The following EPS8 variants were observed in gnomAD, a reference collection of about 807,000 sequenced individuals.
EPS8 encodes EGFR pathway substrate 8, signaling adaptor.
Under a neutral mutation model 103.8 loss-of-function variants are expected in EPS8, and 42 were observed. The observed-to-expected ratio is 0.40, with a 90% CI of 0.32 to 0.52. The LOEUF (loss-of-function observed/expected upper bound fraction) is 0.52, where lower values mean the gene tolerates loss of function less well. Among genes scored for constraint, EPS8 ranks in the 20% least tolerant of loss-of-function variants. The pLI is 0.40. For synonymous variants in EPS8, 344 were observed against 344.6 expected, an observed-to-expected ratio of 1.00 and a Z score of 0.02; for missense variants, 969 against 1,005.1, an observed-to-expected ratio of 0.96 and a Z score of 0.49.
chr12:15,678,275 A>G (rs980005533), intron 3 of EPS8, among the ~76,000 whole-genome samples: 2 of 152,056 alleles, frequency 1.3e-5, no homozygotes, highest in African/African-American at 2.4e-5. Context: ...TTCCATAGGC[A>G]TTTTCTGAGA....
At chr12:15,645,690 T>C (rs1002903050) in intron 15 of EPS8, among the ~76,000 whole-genome samples, 2 of 152,254 alleles carry the variant, frequency 1.3e-5, no homozygotes, top group East Asian at 3.9e-4. Context: ...CCCTTATAGA[T>C]ATGCAGGTGA....
intron 13 of EPS8, among the ~76,000 whole-genome samples, chr12:15,651,908 A>G (rs1945421809): frequency 6.6e-6 from 1 of 152,154 alleles, no homozygotes; most frequent in East Asian, 1.9e-4. Context: ...AACAGCTAAC[A>G]ATATATTTCG....
intron 2 of EPS8, 38 bp downstream of exon 2, chr12:15,682,855 T>C (rs2135890065): frequency 1.9e-6 from 2 of 1,080,234 alleles, no homozygotes; most frequent in Non-Finnish European, 1.4e-6. Flanking sequence ...CAAATCAAAT[T>C]CCCCCAAAAC....
At chr12:15,621,561 A>G (rs1944863108) in intron 20 of EPS8, 131 bp from the exon 21 acceptor site, 2 of 581,444 alleles carry the variant, frequency 3.4e-6, no homozygotes. Flanking sequence ...TAACAGCTCT[A>G]CTTTTTAAGT....
At chr12:15,740,007 A>G (rs1207055544) in intron 1 of EPS8, among the ~76,000 whole-genome samples, 1 of 152,142 alleles carries the variant, frequency 6.6e-6, no homozygotes, top group Non-Finnish European at 1.5e-5. Flanking sequence ...GGACTCAGGA[A>G]TACAGAGAAT....
chr12:15,715,769 G>A (rs1049589168), intron 1 of EPS8, among the ~76,000 whole-genome samples: 5 of 151,970 alleles, frequency 3.3e-5, no homozygotes, highest in East Asian at 1.9e-4. Context: ...GATTACAGGC[G>A]TGAGCCACCA....
In EPS8 at chr12:15,716,858, T is replaced by C. The variant is rs1175984640; in HGVS notation, c.-21-33886A>G. 6.6e-6 allele frequency among the ~76,000 whole-genome samples: 1 copy of C among 152,234 alleles called. No homozygotes were observed. Among genetic ancestry groups the C allele is most frequent in the Non-Finnish European group, 1.5e-5 (1 of 68,038 alleles). On this transcript the variant is annotated intron_variant, in intron 1 of 20. Coordinates refer to ENST00000281172, the MANE Select transcript of EPS8 (RefSeq NM_004447.6). The surrounding 1 kb of genome is among the most constrained non-coding windows in gnomAD (Gnocchi z 5.0). ...TAAGCAAAATTTCACTTTCAGTTCC[T>C]GTACTGTTCAACCCCAATTCCTCAT...
In EPS8 at chr12:15,767,877, C is replaced by T. The variant is rs1287647244; in HGVS notation, c.-22+21284G>A. 6.6e-6 allele frequency among the ~76,000 whole-genome samples: 1 copy of T among 151,978 alleles called. No individual in the cohort carries two copies. Among genetic ancestry groups the T allele is most frequent in the Non-Finnish European group, 1.5e-5 (1 of 68,008 alleles). The stretch of plus-strand genomic sequence containing the variant: ...AAATATATTACAAAGTTGTCTTTCC[C>T]CAGAGAATAAAATAGATATTTTTGG... On this transcript the variant is annotated intron_variant, in intron 1 of 20. Transcript: ENST00000281172. This position sits in a 1 kb window ranked among gnomAD's most constrained non-coding sequence, Gnocchi z 5.5.
intron 1 of EPS8, among the ~76,000 whole-genome samples, chr12:15,744,868 T>C (rs931990782): frequency 2.0e-5 from 3 of 152,114 alleles, no homozygotes; most frequent in African/African-American, 7.2e-5. Context: ...ATTATTACTA[T>C]TTTTTTATTA....
Position 15,737,729 on chromosome 12 carries a change from A to C in EPS8, c.-22+51432T>G, listed in dbSNP as rs573646437. On this transcript the variant is annotated intron_variant, in intron 1 of 20. Transcript: ENST00000281172. Reference sequence around the variant, plus strand: ...TTATATACCCAAATATTAAAAACTTAATGATGCTACTGTGTTGTAGAAAAT... The same window carrying C: ...TTATATACCCAAATATTAAAAACTTCATGATGCTACTGTGTTGTAGAAAAT... 3.9e-5 allele frequency among the ~76,000 whole-genome samples: 6 copies of C among 152,312 alleles called. No individual in the cohort carries two copies. The South Asian group carries it at 1.2e-3, about 32-fold the overall frequency.
intron 15 of EPS8, among the ~76,000 whole-genome samples, chr12:15,642,209 T>G (rs953694267): frequency 1.6e-4 from 24 of 152,198 alleles, no homozygotes; most frequent in Middle Eastern, 6.8e-3. Context: ...TAAAGGAGAC[T>G]GAAGATAATT....
chr12:15,662,282 G>A (rs1945619442), intron 8 of EPS8, 183 bp from the exon 9 acceptor site: 1 of 1,410,828 alleles, frequency 7.1e-7, no homozygotes, highest in Admixed American at 2.9e-5. Flanking sequence ...ACTAACAGGA[G>A]CAGTTGAGCA....
intron 8 of EPS8, among the ~76,000 whole-genome samples, chr12:15,664,208 C>A (rs868766449): frequency 1.3e-5 from 2 of 151,254 alleles, no homozygotes; most frequent in Non-Finnish European, 2.9e-5. Flanking sequence ...AAATACAAAG[C>A]AGATCAATAC....
intron 3 of EPS8, among the ~76,000 whole-genome samples, chr12:15,678,775 G>A (rs1032893530): frequency 6.6e-5 from 10 of 151,858 alleles, no homozygotes; most frequent in Non-Finnish European, 1.2e-4. Flanking sequence ...TTAGCTGGGC[G>A]TGGTGGCATG....
intron 1 of EPS8, among the ~76,000 whole-genome samples, chr12:15,774,696 A>AAT (rs1201010097): frequency 3.5e-4 from 51 of 146,742 alleles, no homozygotes; most frequent in Admixed American, 8.9e-4. Context: ...TAAATATATA[A>AAT]ATATATATAT....
chr12:15,765,198 T>A (rs889296236), intron 1 of EPS8, among the ~76,000 whole-genome samples: 3 of 152,258 alleles, frequency 2.0e-5, no homozygotes, highest in Middle Eastern at 3.4e-3. Flanking sequence ...CTGAAAAAAG[T>A]ACCTAAATGA....
At position 15,734,248 on chromosome 12, in the gene EPS8, G is replaced by A. The variant is rs1449960833; in HGVS notation, c.-21-51276C>T. On this transcript the variant is annotated intron_variant, in intron 1 of 20. Transcript: ENST00000281172. The surrounding 1 kb of genome is among the most constrained non-coding windows in gnomAD (Gnocchi z 4.1). ...CTTTCAAGACCATATAATCAGTTTA[G>A]TTTTGTTTTCTCTCCTCCTCAGCTG... Among the ~76,000 whole-genome samples, 1 of 152,116 alleles carries A rather than the reference G, an allele frequency of 6.6e-6. No homozygotes were observed. Among genetic ancestry groups the A allele is most frequent in the Non-Finnish European group, 1.5e-5 (1 of 68,010 alleles).
intron 15 of EPS8, among the ~76,000 whole-genome samples, chr12:15,644,115 C>T (rs1319879254): frequency 6.6e-6 from 1 of 152,168 alleles, no homozygotes; most frequent in African/African-American, 2.4e-5. Context: ...ACATTGAAAA[C>T]CCAATTTAGG....
chr12:15,751,218 C>T lies in EPS8; in HGVS notation c.-22+37943G>A, dbSNP rs953504164. Among the ~76,000 whole-genome samples the T allele has an allele frequency of 1.3e-5, 2 of 152,020 alleles. No individual in the cohort carries two copies. Among genetic ancestry groups the T allele is most frequent in the Non-Finnish European group, 2.9e-5 (2 of 68,016 alleles). ...ACTAAAAATATAAAAATTAGCCACA[C>T]GTAGTGGTGTGTGCCTGTAATCCCA... On this transcript the variant is annotated intron_variant, in intron 1 of 20. Transcript: ENST00000281172. The surrounding 1 kb of genome is among the most constrained non-coding windows in gnomAD (Gnocchi z 4.3).
Sources: gnomAD v4.1 joint callset for allele counts (sites outside exome capture counted in the v4.1 genomes callset) on GRCh38, gnomAD v4.1.1 for gene constraint, Gnocchi (gnomAD v3.1) non-coding constraint, MANE v1.5 for transcripts, NCBI Gene and HGNC (gene_info 2026-07-23, HGNC 2026-07-21) for gene names.